GPBP1: variants seen among roughly 807,000 people sequenced by gnomAD.
GPBP1 encodes GC-rich promoter binding protein 1, also known as vasculin.
GPBP1 carries 13 observed loss-of-function variants against 56.5 expected under a neutral mutation model. The observed-to-expected ratio is 0.23, with a 90% confidence interval of 0.15 to 0.37. GPBP1 has a LOEUF of 0.37. Among genes scored for constraint, GPBP1 ranks in the 10% least tolerant of loss-of-function variants. The pLI is 1.00. For missense variants in GPBP1, 477 were observed against 572.3 expected, an observed-to-expected ratio of 0.83 and a Z score of 1.70; for synonymous variants, 204 against 188.9, an observed-to-expected ratio of 1.08 and a Z score of -0.66.
chr5:57,247,472 T>A (rs978622086), intron 8 of GPBP1, among the ~76,000 whole-genome samples: 10 of 152,238 alleles, frequency 6.6e-5, no homozygotes, highest in Non-Finnish European at 1.3e-4. Context: ...GAGGATCACT[T>A]GAGCCCAGGA....
intron 2 of GPBP1, among the ~76,000 whole-genome samples, chr5:57,182,992 T>C (rs831645): frequency 0.23 from 34,268 of 152,152 alleles, 4,874 homozygotes; most frequent in Middle Eastern, 0.33. Flanking sequence ...CCCCTTTAAT[T>C]CTTAATTCAG....
intron 2 of GPBP1, among the ~76,000 whole-genome samples, chr5:57,199,540 A>T (rs1295051601): frequency 2.0e-5 from 3 of 151,078 alleles, no homozygotes; most frequent in Admixed American, 6.6e-5. Context: ...TTTTCTTTTT[A>T]TATATATATA....
chr5:57,186,154 T>C (rs956740686), intron 2 of GPBP1, among the ~76,000 whole-genome samples: 2 of 152,074 alleles, frequency 1.3e-5, no homozygotes, highest in African/African-American at 2.4e-5. Context: ...CTCAGTACTT[T>C]AGGAGGCTGA....
In GPBP1 at chr5:57,249,522, A is replaced by G. The variant is rs1418038250; in HGVS notation, c.918A>G (p.Lys306=). ...DKKSEFLKAL[K]RDRVEEEHED... Reference sequence around the variant, plus strand: ...AGAGTGAATTTTTGAAAGCATTGAAAAGAGACAGAGTAGAAGAGGAACATG... The same window carrying G: ...AGAGTGAATTTTTGAAAGCATTGAAGAGAGACAGAGTAGAAGAGGAACATG... Residue 306 remains lysine, a synonymous_variant, in exon 9 of 12, where the codon AAA becomes AAG. Transcript: ENST00000506184. The G allele has an allele frequency of 1.2e-6, 2 of 1,613,360 alleles. No individual in the cohort carries two copies. Among genetic ancestry groups the G allele is most frequent in the African/African-American group, 2.7e-5 (2 of 74,894 alleles).
At chr5:57,248,861 C>T (rs1225908950) in intron 8 of GPBP1, 1 of 152,158 alleles carries the variant, frequency 6.6e-6, no homozygotes, top group Non-Finnish European at 1.5e-5. Flanking sequence ...TGGTTTGTTT[C>T]CGTGACTAAT....
At chr5:57,231,061 C>T in intron 4 of GPBP1, 37 bp from the exon 5 acceptor site, 1 of 1,588,006 alleles carries the variant, frequency 6.3e-7, no homozygotes, top group East Asian at 2.2e-5. Context: ...AGCTTCTCTT[C>T]TTTGAATTTA....
intron 2 of GPBP1, among the ~76,000 whole-genome samples, chr5:57,198,087 A>T (rs1310494645): frequency 6.6e-6 from 1 of 152,176 alleles, no homozygotes; most frequent in East Asian, 1.9e-4. Flanking sequence ...ATATTCATGT[A>T]GACAACTGTG....
chr5:57,190,071 G>A (rs186832281), intron 2 of GPBP1, among the ~76,000 whole-genome samples: 1 of 151,430 alleles, frequency 6.6e-6, no homozygotes, highest in Non-Finnish European at 1.5e-5. Context: ...TTGAGAGCAG[G>A]GACCTTGTCT....
intron 10 of GPBP1, among the ~76,000 whole-genome samples, chr5:57,254,569 C>G (rs1346634246): frequency 6.6e-6 from 1 of 151,780 alleles, no homozygotes; most frequent in South Asian, 2.1e-4. Flanking sequence ...GTGGTGCATG[C>G]GTGTAATCCG....
At chr5:57,176,477 C>G (rs1036384062) in intron 2 of GPBP1, 77 bp downstream of exon 2, 1 of 153,150 alleles carries the variant, frequency 6.5e-6, no homozygotes, top group Non-Finnish European at 1.5e-5. Flanking sequence ...CTATGTTATT[C>G]TCGGAAGCCT....
At chr5:57,209,678 T>C (rs1755391047) in intron 2 of GPBP1, among the ~76,000 whole-genome samples, 2 of 152,186 alleles carry the variant, frequency 1.3e-5, no homozygotes, top group African/African-American at 4.8e-5. Context: ...GTTTCTAGTT[T>C]GTTGAGTATT....
In GPBP1 at chr5:57,225,491, CA is replaced by C. The variant is rs554699501; in HGVS notation, c.64-5335del. 9.9e-3 allele frequency among the ~76,000 whole-genome samples: 376 copies of C among 38,130 alleles called. 1 individual carries two copies. The highest frequency in any genetic ancestry group is 0.017 in the Middle Eastern group (1 of 58). 25.0% of individuals were successfully genotyped at this position (38,130 alleles called of 152,430 possible). On this transcript the variant is annotated intron_variant, in intron 3 of 11. Transcript: ENST00000506184. ...CCTGGGAGTCAGCAAGATTCCTTCT[CA>C]AAAAAAAAAAAAAAAAAAACAAACT...
chr5:57,185,926 G>A (rs80129168), intron 2 of GPBP1, among the ~76,000 whole-genome samples: 16,356 of 151,650 alleles, frequency 0.11, 960 homozygotes, highest in African/African-American at 0.13. Flanking sequence ...AGAGGTTGCA[G>A]CCTGGACGAT....
At chr5:57,226,097 G>A (rs920491204) in intron 3 of GPBP1, among the ~76,000 whole-genome samples, 3 of 152,266 alleles carry the variant, frequency 2.0e-5, no homozygotes, top group African/African-American at 7.2e-5. Flanking sequence ...TGGGGTGGTT[G>A]GTTTTTATGT....
intron 10 of GPBP1, among the ~76,000 whole-genome samples, chr5:57,260,621 T>C (rs1185804365): frequency 1.3e-5 from 2 of 152,210 alleles, no homozygotes; most frequent in Admixed American, 1.3e-4. Context: ...AGTTTTTCCA[T>C]GATACACATT....
At chr5:57,190,214 A>G (rs1054870730) in intron 2 of GPBP1, among the ~76,000 whole-genome samples, 2 of 151,034 alleles carry the variant, frequency 1.3e-5, no homozygotes, top group African/African-American at 4.8e-5. Context: ...TTATAGAGCT[A>G]TTTTTAACTG....
intron 2 of GPBP1, among the ~76,000 whole-genome samples, chr5:57,189,360 C>T (rs1015308615): frequency 6.6e-6 from 1 of 152,236 alleles, no homozygotes; most frequent in Non-Finnish European, 1.5e-5. Flanking sequence ...TTCAGGTGAT[C>T]TGCCCACCTA....
intron 2 of GPBP1, among the ~76,000 whole-genome samples, chr5:57,204,060 G>A (rs1755128137): frequency 6.6e-6 from 1 of 152,232 alleles, no homozygotes; most frequent in South Asian, 2.1e-4. Flanking sequence ...AAGTACCATT[G>A]AATCAGAATC....
At chr5:57,188,996 GTCTGTCTT>G (rs1754407636) in intron 2 of GPBP1, among the ~76,000 whole-genome samples, 4 of 152,108 alleles carry the variant, frequency 2.6e-5, no homozygotes, top group Admixed American at 2.0e-4. Flanking sequence ...CTGTCTGTCT[GTCTGTCTT>G]TCTTTGCGAC....
Sources: gnomAD v4.1 joint callset for allele counts (sites outside exome capture counted in the v4.1 genomes callset) on GRCh38, gnomAD v4.1.1 for gene constraint, MANE v1.5 for transcripts, NCBI Gene and HGNC (gene_info 2026-07-23, HGNC 2026-07-21) for gene names.